Variants in ADGRG6 observed in about 807,000 individuals in gnomAD.
ADGRG6 encodes the protein adhesion G protein-coupled receptor G6, also known as G-protein coupled receptor 126.
Under a neutral mutation model 142.4 loss-of-function variants are expected in ADGRG6, and 84 were observed. The ratio of observed to expected loss-of-function variants is 0.59; its 90% confidence interval spans 0.49 to 0.71. ADGRG6 has a LOEUF of 0.71. Ranked by LOEUF, ADGRG6 falls within the 30% of genes least tolerant of loss-of-function variation. ADGRG6 has a pLI of 0.00. For synonymous variants in ADGRG6, 521 were observed against 520.5 expected, an observed-to-expected ratio of 1.00 and a Z score of -0.01; for missense variants, 1,367 against 1,466.6, an observed-to-expected ratio of 0.93 and a Z score of 1.11.
chr6:142,337,813 T>A (rs1779390685), intron 2 of ADGRG6, among the ~76,000 whole-genome samples: 1 of 151,930 alleles, frequency 6.6e-6, no homozygotes, highest in South Asian at 2.1e-4. Context: ...ATATTTACTT[T>A]TAGATTTTAT....
In ADGRG6 at chr6:142,400,481, A is replaced by G. The variant is rs1775454032; in HGVS notation, c.1568-4A>G. 1.5e-6 allele frequency: 2 copies of G among 1,365,782 alleles called. No homozygotes were observed. The highest frequency in any genetic ancestry group is 2.1e-6 in the Non-Finnish European group (2 of 954,504). 84.6% of individuals were successfully genotyped at this position (1,365,782 alleles called of 1,614,324 possible). A position where few individuals can be genotyped will look rare whatever the true frequency, so the allele number is the denominator to read the frequency against. The stretch of plus-strand genomic sequence containing the variant: ...TTCTCATGCTGGTTCTTATGTTCAT[A>G]TAGGTCATTGTCTTGCCATGGAGGA... On this transcript the variant is annotated splice_region_variant and splice_polypyrimidine_tract_variant and intron_variant, in intron 10 of 24. Transcript: ENST00000367609.
intron 2 of ADGRG6, among the ~76,000 whole-genome samples, chr6:142,339,746 T>G (rs1323155943): frequency 6.6e-6 from 1 of 152,146 alleles, no homozygotes; most frequent in African/African-American, 2.4e-5. Flanking sequence ...TACAAAGGAC[T>G]CTGAAATGAC....
At position 142,417,319 on chromosome 6, in the gene ADGRG6, C is replaced by T. The variant is rs777167199; in HGVS notation, c.2985C>T (p.Asn995=). 6.2e-7 allele frequency: 1 copy of T among 1,605,784 alleles called. No individual in the cohort carries two copies. Among genetic ancestry groups the T allele is most frequent in the Admixed American group, 1.7e-5 (1 of 59,674 alleles). Residue 995 remains asparagine, a synonymous_variant, in exon 21 of 25, where the codon AAC becomes AAT. Coordinates refer to ENST00000367609, the MANE Select transcript of ADGRG6 (RefSeq NM_198569.3). ...CAGTTGTTCTAGCGAGCAGAAACAA[C>T]AATGAAGTCTATGGAAAAGAAAGTT... ...VVSVVLASRN[N]NEVYGKESYG... is the part of the protein sequence containing the mutation.
intron 24 of ADGRG6, among the ~76,000 whole-genome samples, chr6:142,442,484 T>A (rs1777804553): frequency 6.6e-6 from 1 of 152,150 alleles, no homozygotes; most frequent in East Asian, 1.9e-4. Flanking sequence ...TATAGGGAAA[T>A]AACATTTAAA....
intron 2 of ADGRG6, among the ~76,000 whole-genome samples, chr6:142,361,748 T>C (rs1780724919): frequency 6.6e-6 from 1 of 151,876 alleles, no homozygotes; most frequent in Non-Finnish European, 1.5e-5. Context: ...AACCAGGAGG[T>C]AGATTTGGTG....
At chr6:142,439,724 T>A (rs1027316510) in intron 24 of ADGRG6, among the ~76,000 whole-genome samples, 2 of 152,186 alleles carry the variant, frequency 1.3e-5, no homozygotes, top group Non-Finnish European at 2.9e-5. Context: ...AGGCTGTTGA[T>A]TCTCTTCCAG....
At chr6:142,347,409 T>C (rs1198142053) in intron 2 of ADGRG6, among the ~76,000 whole-genome samples, 1 of 152,178 alleles carries the variant, frequency 6.6e-6, no homozygotes, top group Admixed American at 6.5e-5. Flanking sequence ...ATGAGAAATA[T>C]TTCAGAGGAA....
At chr6:142,394,079 T>G (rs1000140071) in intron 9 of ADGRG6, 121 bp downstream of exon 9, 1 of 662,124 alleles carries the variant, frequency 1.5e-6, no homozygotes, top group Non-Finnish European at 2.7e-6. Context: ...CACAGTTATT[T>G]CTTTAGCACT....
intron 7 of ADGRG6, among the ~76,000 whole-genome samples, chr6:142,391,434 TACACACACACACACAC>T (rs35253608): frequency 2.6e-4 from 35 of 132,464 alleles, no homozygotes; most frequent in East Asian, 8.5e-4. Flanking sequence ...AAGTGGTAGC[TACACACACACACACAC>T]ACACACACAC....
At chr6:142,443,138 A>T (rs1008230392) in intron 24 of ADGRG6, among the ~76,000 whole-genome samples, 199 bp from the exon 25 acceptor site, 1 of 152,154 alleles carries the variant, frequency 6.6e-6, no homozygotes, top group Admixed American at 6.6e-5. Flanking sequence ...GGAAGTTGAC[A>T]CTCAGTGACT....
intron 2 of ADGRG6, among the ~76,000 whole-genome samples, chr6:142,334,751 C>CT (rs1404652243): frequency 2.6e-5 from 4 of 152,084 alleles, no homozygotes; most frequent in Non-Finnish European, 5.9e-5. Context: ...TTGGTTACAC[C>CT]TTTTTTCTCT....
At chr6:142,425,142 A>G (rs544390498) in intron 22 of ADGRG6, among the ~76,000 whole-genome samples, 2 of 152,312 alleles carry the variant, frequency 1.3e-5, no homozygotes, top group Admixed American at 6.5e-5. Context: ...CTGTATTTCA[A>G]TCTTTATAAA....
chr6:142,367,683 C>T lies in ADGRG6; in HGVS notation c.218C>T (p.Ala73Val). The stretch of plus-strand genomic sequence containing the variant: ...CAGGCTTGCATGTGGACGCTCCGAG[C>T]CCCCACCGGTTATATCATTCAGATA... ...NSQACMWTLR[A>V]PTGYIIQITF... Residue 73 changes from alanine to valine, a missense_variant, in exon 3 of 25, where the codon GCC (alanine) becomes GTC (valine). By Grantham distance (64) the Ala-to-Val change is moderately conservative. Around this residue, in one of 3 missense-constraint regions of ADGRG6, gnomAD observed 737 missense variants for 746.5 expected, o/e 0.99. Transcript: ENST00000367609. 6.2e-7 allele frequency: 1 copy of T among 1,613,732 alleles called. No homozygotes were observed. Among genetic ancestry groups the T allele is most frequent in the Non-Finnish European group, 8.5e-7 (1 of 1,179,728 alleles).
Position 142,408,130 on chromosome 6 carries a change from G to GA in ADGRG6, c.2269-19dup. The GA allele has an allele frequency of 6.5e-7, 1 of 1,528,026 alleles. No homozygotes were observed. The highest frequency in any genetic ancestry group is 8.8e-7 in the Non-Finnish European group (1 of 1,133,396). The allele number at this position is 1,528,026 out of a possible 1,614,324, so 94.7% of individuals were successfully genotyped here. A position where few individuals can be genotyped will look rare whatever the true frequency, so the allele number is the denominator to read the frequency against. ...AAGTGTACTTCTGACTGATACACGCGATTTTTTTTTCTTTAAAAGGATGTA... is the reference window on the plus strand; with the variant it reads ...AAGTGTACTTCTGACTGATACACGCGAATTTTTTTTTCTTTAAAAGGATGTA... On this transcript the variant is annotated intron_variant, in intron 15 of 24. Coordinates refer to ENST00000367609, the MANE Select transcript of ADGRG6 (RefSeq NM_198569.3).
intron 2 of ADGRG6, among the ~76,000 whole-genome samples, chr6:142,343,674 A>G (rs1003021084): frequency 6.6e-6 from 1 of 151,976 alleles, no homozygotes; most frequent in Non-Finnish European, 1.5e-5. Context: ...AAAGAGCAAG[A>G]GTCAAATTGA....
intron 10 of ADGRG6, among the ~76,000 whole-genome samples, chr6:142,398,967 C>G (rs1775357792): frequency 6.6e-6 from 1 of 152,098 alleles, no homozygotes; most frequent in Non-Finnish European, 1.5e-5. Context: ...GAACCCAGCA[C>G]ATTCCCTGGA....
At chr6:142,323,901 G>A (rs1165099126) in intron 2 of ADGRG6, among the ~76,000 whole-genome samples, 1 of 152,032 alleles carries the variant, frequency 6.6e-6, no homozygotes, top group Non-Finnish European at 1.5e-5. Context: ...CCCTATACAG[G>A]TGTACCATAT....
intron 2 of ADGRG6, among the ~76,000 whole-genome samples, chr6:142,339,295 G>A (rs753229055): frequency 7.2e-5 from 11 of 152,110 alleles, no homozygotes; most frequent in Non-Finnish European, 1.5e-4. Context: ...TATCCACTGG[G>A]GCGTAACAAA....
Position 142,412,104 on chromosome 6 carries a change from T to C in ADGRG6, c.2541+693T>C, listed in dbSNP as rs78001632. Among the ~76,000 whole-genome samples the C allele has an allele frequency of 4.2e-3, 633 of 152,320 alleles. 6 individuals carry two copies. The highest frequency in any genetic ancestry group is 0.015 in the African/African-American group (611 of 41,586). ...AAATTAGATTGCGTCAATGTGTTTT[T>C]CTTATCCCACCAAATTTTAAGACGC... is the stretch of plus-strand genomic sequence containing the variant. On this transcript the variant is annotated intron_variant, in intron 18 of 24. Transcript: ENST00000367609.
Sources: allele counts gnomAD v4.1 joint callset (sites outside exome capture counted in the v4.1 genomes callset), GRCh38; gene constraint gnomAD v4.1.1; regional missense constraint gnomAD v4.1.1; transcripts MANE v1.5; gene names NCBI Gene and HGNC (gene_info 2026-07-23, HGNC 2026-07-21).